HDAC4: variants seen among roughly 807,000 people sequenced by gnomAD.
The protein encoded by HDAC4 is histone deacetylase 4.
In HDAC4, 16 loss-of-function variants were observed where a neutral mutation model predicts 135.1. The observed-to-expected ratio is 0.12, with a 90% CI of 0.08 to 0.18. The LOEUF (loss-of-function observed/expected upper bound fraction) is 0.18. HDAC4 is among the 10% of genes least tolerant of loss of function. The pLI is 1.00. For synonymous variants in HDAC4, 685 were observed against 653.4 expected (o/e 1.05, Z -0.74); for missense variants, 1,143 against 1,511.8 (o/e 0.76, Z 4.05).
rs145997336 is a variant in HDAC4 at position 239,244,541 on chromosome 2, G to A, written c.23-7877C>T. Among the ~76,000 whole-genome samples, 248 of 152,328 alleles carry A rather than the reference G, an allele frequency of 1.6e-3. 1 individual carries two copies. The highest frequency in any genetic ancestry group is 5.5e-3 in the African/African-American group (229 of 41,582). On this transcript the variant is annotated intron_variant, in intron 2 of 26. Coordinates refer to ENST00000543185, the MANE Select transcript of HDAC4 (RefSeq NM_001378414.1). ...CTCAGGCCTCTAACCTGTGTGACCAGAGGTAGTAGAATTTTACTGGCACTC... is the reference window on the plus strand; with the variant it reads ...CTCAGGCCTCTAACCTGTGTGACCAAAGGTAGTAGAATTTTACTGGCACTC...
chr2:239,219,782 A>G (rs576374072), intron 3 of HDAC4, among the ~76,000 whole-genome samples: 8 of 152,376 alleles, frequency 5.3e-5, no homozygotes, highest in African/African-American at 1.4e-4. Flanking sequence ...AATATCAAAC[A>G]TATTTGACCA....
intron 2 of HDAC4, among the ~76,000 whole-genome samples, chr2:239,297,928 G>GC (rs770537551): frequency 2.2e-4 from 33 of 152,224 alleles, no homozygotes; most frequent in Admixed American, 1.6e-3. Context: ...CTTCCACAGG[G>GC]CCCCCAAGTC....
At chr2:239,264,829 G>A (rs1213455309) in intron 2 of HDAC4, among the ~76,000 whole-genome samples, 4 of 152,218 alleles carry the variant, frequency 2.6e-5, no homozygotes, top group African/African-American at 9.6e-5. Context: ...CCCGTCGGAG[G>A]GTCCTGCCCC....
intron 24 of HDAC4, among the ~76,000 whole-genome samples, chr2:239,066,462 C>T (rs538938573): frequency 2.6e-5 from 4 of 152,310 alleles, no homozygotes; most frequent in Admixed American, 6.5e-5. Flanking sequence ...GCAGTCGCAC[C>T]GCAGAGGACC....
chr2:239,267,585 T>TA (rs2049813870), intron 2 of HDAC4, among the ~76,000 whole-genome samples: 1 of 152,260 alleles, frequency 6.6e-6, no homozygotes, highest in Non-Finnish European at 1.5e-5. Flanking sequence ...CCGGAAACGT[T>TA]AAACCACAGC....
chr2:239,105,506 C>T (rs531202641), intron 15 of HDAC4, among the ~76,000 whole-genome samples: 8 of 152,356 alleles, frequency 5.3e-5, no homozygotes, highest in South Asian at 2.1e-4. Context: ...CTGGGAGCCA[C>T]GTCTTGCTGG....
At chr2:239,130,424 G>A (rs1393748398) in intron 11 of HDAC4, among the ~76,000 whole-genome samples, 1 of 152,196 alleles carries the variant, frequency 6.6e-6, no homozygotes, top group Non-Finnish European at 1.5e-5. Context: ...GGGACAGTGG[G>A]TCTCCACTGC....
intron 11 of HDAC4, 30 bp downstream of exon 11, chr2:239,134,215 C>G (rs769912439): frequency 1.9e-6 from 3 of 1,591,696 alleles, no homozygotes; most frequent in Non-Finnish European, 2.6e-6. Context: ...GCCTCAGAGC[C>G]TGGCTGCACC....
chr2:239,146,378 C>G lies in HDAC4; in HGVS notation c.734-1664G>C, dbSNP rs1575183591. ...TGGGACAGGAGCCACTTCTGAGAGG[C>G]AGGGGCTGTGTGTGCCCACAGAAGA... On this transcript the variant is annotated intron_variant, in intron 7 of 26. Transcript: ENST00000543185. This position sits in a 1 kb window ranked among gnomAD's most constrained non-coding sequence, Gnocchi z 4.5. Among the ~76,000 whole-genome samples, 1 of 152,220 alleles carries G rather than the reference C, an allele frequency of 6.6e-6. No individual in the cohort carries two copies. The highest frequency in any genetic ancestry group is 1.5e-5 in the Non-Finnish European group (1 of 68,026).
chr2:239,119,250 A>G (rs1349963544), intron 12 of HDAC4, among the ~76,000 whole-genome samples: 1 of 152,154 alleles, frequency 6.6e-6, no homozygotes, highest in East Asian at 1.9e-4. Flanking sequence ...AAGAATCTGA[A>G]AGCAGAACAA....
chr2:239,114,950 A>G (rs2038999823), intron 13 of HDAC4, 103 bp downstream of exon 13: 1 of 1,399,734 alleles, frequency 7.1e-7, no homozygotes, highest in Non-Finnish European at 9.8e-7. Flanking sequence ...GTGACCGCGC[A>G]AGGATGCCCT....
rs556958645 is a variant in HDAC4 at position 239,240,190 on chromosome 2, C to T, written c.23-3526G>A. On this transcript the variant is annotated intron_variant, in intron 2 of 26. Coordinates refer to ENST00000543185, the MANE Select transcript of HDAC4 (RefSeq NM_001378414.1). This position sits in a 1 kb window ranked among gnomAD's most constrained non-coding sequence, Gnocchi z 4.5. The stretch of plus-strand genomic sequence containing the variant: ...AGTGGCGGTGAGTGCACTTTGCAGG[C>T]GCAGGGGCCACCAGGCCTGGGAAAG... Among the ~76,000 whole-genome samples, 117 of 152,328 alleles carry T rather than the reference C, an allele frequency of 7.7e-4. 1 individual carries two copies. The highest frequency in any genetic ancestry group is 2.6e-3 in the African/African-American group (106 of 41,566).
chr2:239,081,508 A>G (rs544942649), intron 21 of HDAC4, among the ~76,000 whole-genome samples: 227 of 152,364 alleles, frequency 1.5e-3, no homozygotes, highest in African/African-American at 5.1e-3. Context: ...CGTGTGTTAC[A>G]TCAGGGAATC....
At chr2:239,343,073 C>T (rs1391171237) in intron 2 of HDAC4, among the ~76,000 whole-genome samples, 1 of 152,240 alleles carries the variant, frequency 6.6e-6, no homozygotes, top group Non-Finnish European at 1.5e-5. Context: ...AGGGCCAGCA[C>T]TCCCAGTGTC....
At position 239,163,853 on chromosome 2, in the gene HDAC4, G is replaced by A; in HGVS notation, c.561C>T (p.Ala187=). The change falls in exon 6 of 27, where the codon GCC becomes GCT. Residue 187 remains alanine, a synonymous_variant. Coordinates refer to ENST00000543185, the MANE Select transcript of HDAC4 (RefSeq NM_001378414.1). ...AAATGCAGTGGTTCAGATTCCGGTGGGCCAGCGCCTTCTTTTTATTGAGGA... is the reference window on the plus strand; with the variant it reads ...AAATGCAGTGGTTCAGATTCCGGTGAGCCAGCGCCTTCTTTTTATTGAGGA... ...EFVLNKKKAL[A]HRNLNHCISS... is the part of the protein sequence containing the mutation. The A allele has an allele frequency of 1.2e-6, 2 of 1,614,128 alleles. No homozygotes were observed. The highest frequency in any genetic ancestry group is 1.1e-5 in the South Asian group (1 of 91,090).
Position 239,070,927 on chromosome 2 carries a change from GTT to G in HDAC4, c.2751-2322_2751-2321del, listed in dbSNP as rs10572423. ...TAACCATGTCAATGCAGTCTCTGTT[GTT>G]TTTTTTTTTTTTTTTTACATTAAAT... is the stretch of plus-strand genomic sequence containing the variant. On this transcript the variant is annotated intron_variant, in intron 22 of 26. Coordinates refer to ENST00000543185, the MANE Select transcript of HDAC4 (RefSeq NM_001378414.1). Among the ~76,000 whole-genome samples, 1,346 of 143,958 alleles carry G rather than the reference GTT, an allele frequency of 9.3e-3. 18 individuals carry two copies. Among genetic ancestry groups the G allele is most frequent in the Non-Finnish European group, 8.4e-3 (554 of 65,738 alleles). 94.4% of individuals were successfully genotyped at this position (143,958 alleles called of 152,430 possible).
At chr2:239,085,589 GAAAC>G (rs2035854128) in intron 19 of HDAC4, among the ~76,000 whole-genome samples, 1 of 152,122 alleles carries the variant, frequency 6.6e-6, no homozygotes, top group Non-Finnish European at 1.5e-5. Context: ...TCAGAGAAAT[GAAAC>G]AAACAGGAAG....
At chr2:239,123,539 CA>C (rs1246759939) in intron 12 of HDAC4, among the ~76,000 whole-genome samples, 1 of 152,248 alleles carries the variant, frequency 6.6e-6, no homozygotes, top group Non-Finnish European at 1.5e-5. Flanking sequence ...CCTGAGCCTG[CA>C]GCCCCATGAT....
chr2:239,049,311 A>AT lies in HDAC4; in HGVS notation c.*3785dup. The AT allele has an allele frequency of 6.6e-6, 1 of 152,570 alleles. No homozygotes were observed. Among genetic ancestry groups the AT allele is most frequent in the East Asian group, 1.9e-4 (1 of 5,196 alleles). 9.5% of individuals were successfully genotyped at this position (152,570 alleles called of 1,614,324 possible). A position where few individuals can be genotyped will look rare whatever the true frequency, so the allele number is the denominator to read the frequency against. On this transcript the variant is annotated 3_prime_UTR_variant, in exon 27 of 27. Coordinates refer to ENST00000543185, the MANE Select transcript of HDAC4 (RefSeq NM_001378414.1). ...TTACAGAAAAATTTCCATCTTTTGT[A>AT]TCTGCAAATGTCATGAGAGGGGAAC...
Sources: gnomAD v4.1 joint callset for allele counts (sites outside exome capture counted in the v4.1 genomes callset) on GRCh38, gnomAD v4.1.1 for gene constraint, Gnocchi (gnomAD v3.1) non-coding constraint, MANE v1.5 for transcripts, NCBI Gene and HGNC (gene_info 2026-07-23, HGNC 2026-07-21) for gene names.